JADE3: variants seen among roughly 807,000 people sequenced by gnomAD.
JADE3 encodes the protein protein Jade-3.
In JADE3, 2 loss-of-function variants were observed where a neutral mutation model predicts 50.1. The ratio of observed to expected loss-of-function variants is 0.04; its 90% CI spans 0.02 to 0.13. The LOEUF is 0.13. Ranked by LOEUF, JADE3 falls within the 10% of genes least tolerant of loss-of-function variation. The pLI is 1.00. For synonymous variants in JADE3, 218 were observed against 232.9 expected (o/e 0.94, Z 0.58); for missense variants, 475 against 634.4 (o/e 0.75, Z 2.70).
Position 47,043,904 on chromosome X carries a change from T to C in JADE3, c.972+4839T>C, listed in dbSNP as rs186392530. ...AAAATGCAATTGACAGACTGAAGAA[T>C]ACATCAGAGTCTCTTAACAGCAGAC... On this transcript the variant is annotated intron_variant, in intron 8 of 10. Coordinates refer to ENST00000614628, the MANE Select transcript of JADE3 (RefSeq NM_014735.5). Among the ~76,000 whole-genome samples, 231 of 108,503 alleles carry C rather than the reference T, an allele frequency of 2.1e-3. 1 individual carries two copies. Among genetic ancestry groups the C allele is most frequent in the African/African-American group, 7.6e-3 (225 of 29,800 alleles). 94.2% of individuals were successfully genotyped at this position (108,503 alleles called of 115,157 possible). A position where few individuals can be genotyped will look rare whatever the true frequency, so the allele number is the denominator to read the frequency against.
rs782456437 is a variant in JADE3, at chrX:47,058,520, C to G, written c.1915C>G (p.Pro639Ala). 1.7e-6 allele frequency: 2 copies of G among 1,209,762 alleles called. No homozygotes were observed. The highest frequency in any genetic ancestry group is 2.2e-6 in the Non-Finnish European group (2 of 895,118). Reference protein sequence around the residue: ...ECYHGQSLGKPLVLQAALHGQ... With the variant: ...ECYHGQSLGKALVLQAALHGQ... ...CTATCATGGGCAGTCACTGGGAAAGCCTCTGGTCCTTCAGGCTGCCCTCCA... is the reference window on the plus strand; with the variant it reads ...CTATCATGGGCAGTCACTGGGAAAGGCTCTGGTCCTTCAGGCTGCCCTCCA... The change falls in exon 11 of 11, where the codon CCT becomes GCT. Residue 639 changes from proline to alanine, a missense_variant. Physicochemically the swap from Pro to Ala is conservative, Grantham distance 27. This residue lies in a region of JADE3 where 243 missense variants were observed against 238.2 expected (regional missense o/e 1.02). Transcript: ENST00000614628.
chrX:46,960,116 T>C (rs782373575), intron 1 of JADE3, among the ~76,000 whole-genome samples: 4 of 110,605 alleles, frequency 3.6e-5, no homozygotes, highest in African/African-American at 6.6e-5. Context: ...AAAGGATGGG[T>C]GTTCCTCTAT....
intron 8 of JADE3, among the ~76,000 whole-genome samples, chrX:47,040,482 C>T (rs1929232570): frequency 2.7e-5 from 3 of 111,842 alleles, no homozygotes; most frequent in South Asian, 3.7e-4. Flanking sequence ...GATCTGTCAC[C>T]GTCTCCCATC....
At chrX:47,038,869 T>C in intron 7 of JADE3, 80 bp from the exon 8 acceptor site, 1 of 527,941 alleles carries the variant, frequency 1.9e-6, no homozygotes, top group Non-Finnish European at 3.3e-6. Flanking sequence ...CTTAGCTTTA[T>C]GTAACATCGT....
intron 5 of JADE3, among the ~76,000 whole-genome samples, chrX:47,027,092 A>C (rs868919545): frequency 8.9e-6 from 1 of 112,195 alleles, no homozygotes; most frequent in African/African-American, 3.2e-5. Context: ...ACTTGGGTAC[A>C]TTTGTTTTGG....
At chrX:46,982,610 A>AC (rs1205124977) in intron 1 of JADE3, among the ~76,000 whole-genome samples, 64 of 110,854 alleles carry the variant, frequency 5.8e-4, no homozygotes, top group Non-Finnish European at 4.0e-4. Flanking sequence ...TTACTGCTTT[A>AC]GTAACTGCCT....
Position 47,002,199 on chromosome X carries a change from A to G in JADE3, c.284+3922A>G, listed in dbSNP as rs782667524. 2.7e-5 allele frequency among the ~76,000 whole-genome samples: 3 copies of G among 111,176 alleles called. No homozygotes were observed. The East Asian group carries it at 8.4e-4, about 31-fold the overall frequency. On this transcript the variant is annotated intron_variant, in intron 4 of 10. Coordinates refer to ENST00000614628, the MANE Select transcript of JADE3 (RefSeq NM_014735.5). ...ACTTTTCACTTAGCTCTATGTCTCA[A>G]AAATATTCTTCTATGTTTTCTTTTA... is the stretch of plus-strand genomic sequence containing the variant.
chrX:47,022,177 G>A (rs1044140566), intron 4 of JADE3, among the ~76,000 whole-genome samples: 3 of 111,776 alleles, frequency 2.7e-5, no homozygotes, highest in South Asian at 3.7e-4. Context: ...CAAAAAATTG[G>A]GTATTCTCCC....
chrX:47,047,673 G>A (rs1398345210), intron 8 of JADE3, among the ~76,000 whole-genome samples: 5 of 111,884 alleles, frequency 4.5e-5, no homozygotes, highest in African/African-American at 1.6e-4. Context: ...CATTGTTGGT[G>A]GAAGTAAAAA....
At chrX:47,055,207 A>G (rs957254584) in intron 9 of JADE3, among the ~76,000 whole-genome samples, 5 of 111,590 alleles carry the variant, frequency 4.5e-5, no homozygotes, top group African/African-American at 1.6e-4. Flanking sequence ...ACTCCACATG[A>G]TAATTCAATA....
intron 8 of JADE3, among the ~76,000 whole-genome samples, chrX:47,040,700 CT>C (rs1929237682): frequency 8.9e-6 from 1 of 111,949 alleles, no homozygotes; most frequent in Admixed American, 9.5e-5. Flanking sequence ...AAACTGGTCC[CT>C]GGTGCCAAAA....
intron 1 of JADE3, among the ~76,000 whole-genome samples, chrX:46,915,184 C>T (rs1926054781): frequency 9.0e-6 from 1 of 111,541 alleles, no homozygotes; most frequent in Admixed American, 9.5e-5. Context: ...CTGGTAAAGA[C>T]ATGGCATTAG....
chrX:46,950,185 A>T (rs1244206650), intron 1 of JADE3, among the ~76,000 whole-genome samples: 1 of 112,318 alleles, frequency 8.9e-6, no homozygotes, highest in Middle Eastern at 4.6e-3. Context: ...CTGCATAAGT[A>T]TATAATTCAA....
intron 7 of JADE3, among the ~76,000 whole-genome samples, chrX:47,038,161 A>G (rs1929174874): frequency 8.9e-6 from 1 of 112,097 alleles, no homozygotes; most frequent in Admixed American, 9.5e-5. Context: ...ACTCCATTGT[A>G]TATATGTACC....
chrX:47,021,154 C>T (rs1344509151), intron 4 of JADE3, among the ~76,000 whole-genome samples: 1 of 110,328 alleles, frequency 9.1e-6, no homozygotes. Context: ...AGTAACTGAC[C>T]TCCCTCACCC....
Position 47,036,726 on chromosome X carries a change from T to C in JADE3, c.856-2223T>C, listed in dbSNP as rs782590774. 1.1e-4 allele frequency among the ~76,000 whole-genome samples: 8 copies of C among 75,336 alleles called. No homozygotes were observed. In the East Asian group the frequency reaches 2.4e-3, roughly 22 times the overall value. The allele number at this position is 75,336 out of a possible 115,157, so 65.4% of individuals were successfully genotyped here. A position where few individuals can be genotyped will look rare whatever the true frequency, so the allele number is the denominator to read the frequency against. ...AACCAACCCAAATGTCCAACAATGA[T>C]AGACTGGATTAAGAAAATGTGGCAC... On this transcript the variant is annotated intron_variant, in intron 7 of 10. Coordinates refer to ENST00000614628, the MANE Select transcript of JADE3 (RefSeq NM_014735.5).
rs1926661523 is a variant in JADE3 at position 46,937,720 on chromosome X, C to A, written c.-12+25001C>A. ...TTTTGGCCAGGCGTGGTGGCTCACGCCTGTAATCCCAGCACTTTGGGAGGC... is the reference window on the plus strand; with the variant it reads ...TTTTGGCCAGGCGTGGTGGCTCACGACTGTAATCCCAGCACTTTGGGAGGC... On this transcript the variant is annotated intron_variant, in intron 1 of 10. Transcript: ENST00000614628. Among the ~76,000 whole-genome samples, 6 of 112,192 alleles carry A rather than the reference C, an allele frequency of 5.3e-5. No individual in the cohort carries two copies. The South Asian group carries it at 2.2e-3, about 41-fold the overall frequency.
intron 1 of JADE3, among the ~76,000 whole-genome samples, chrX:46,982,814 A>ACTGGTTGCT (rs1287093255): frequency 6.4e-5 from 7 of 109,594 alleles, no homozygotes; most frequent in Admixed American, 1.9e-4. Context: ...CTAATTGTTG[A>ACTGGTTGCT]CTGGTTGCTC....
chrX:46,924,845 G>T (rs1479443304), intron 1 of JADE3, among the ~76,000 whole-genome samples: 1 of 112,269 alleles, frequency 8.9e-6, no homozygotes, highest in Non-Finnish European at 1.9e-5. Flanking sequence ...ATTAGAGCAT[G>T]ATTTTATCTA....
Sources: gnomAD v4.1 joint callset for allele counts (sites outside exome capture counted in the v4.1 genomes callset) on GRCh38, gnomAD v4.1.1 for gene constraint, gnomAD v4.1.1 regional missense constraint, MANE v1.5 for transcripts, NCBI Gene and HGNC (gene_info 2026-07-23, HGNC 2026-07-21) for gene names.